The following NSUN7 variants were observed in gnomAD, a reference collection of about 807,000 sequenced individuals.
The protein encoded by NSUN7 is NOP2/Sun RNA methyltransferase family member 7.
Under a neutral mutation model 58.5 loss-of-function variants are expected in NSUN7, and 39 were observed. The ratio of observed to expected loss-of-function variants is 0.67; its 90% CI spans 0.52 to 0.87. The LOEUF is 0.87. Among genes scored for constraint, NSUN7 ranks in the 40% least tolerant of loss-of-function variants. The pLI, the probability that NSUN7 is intolerant of heterozygous loss-of-function variation, is 0.00. For synonymous variants in NSUN7, 278 were observed against 303.7 expected (o/e 0.92, Z 0.88); for missense variants, 765 against 844.1 (o/e 0.91, Z 1.16).
In NSUN7 at chr4:40,808,216, CTT is replaced by C. The variant is rs983769957; in HGVS notation, c.1525-87_1525-86del. ...TTTCTTTTAGTATAATAAAGAGAGT[CTT>C]TTTATTTTTACTGATACATTGATAA... On this transcript the variant is annotated intron_variant, in intron 11 of 11. Coordinates refer to ENST00000381782, the MANE Select transcript of NSUN7 (RefSeq NM_024677.6). 7.8e-6 allele frequency: 11 copies of C among 1,401,536 alleles called. No individual in the cohort carries two copies. In the African/African-American group the frequency reaches 1.6e-4, roughly 20 times the overall value. 86.8% of individuals were successfully genotyped at this position (1,401,536 alleles called of 1,614,324 possible).
rs754283124 is a variant in NSUN7 at position 40,808,184 on chromosome 4, TTTC to T, written c.1525-120_1525-118del. The T allele has an allele frequency of 5.1e-5, 58 of 1,141,640 alleles. 2 individuals are homozygous for T. The South Asian group carries it at 8.8e-4, about 17-fold the overall frequency. 70.7% of individuals were successfully genotyped at this position (1,141,640 alleles called of 1,614,324 possible). The stretch of plus-strand genomic sequence containing the variant: ...ATTGGGGACTAAGGCCTAAAAACTA[TTTC>T]TTATTTCTTTTAGTATAATAAAGAG... On this transcript the variant is annotated intron_variant, in intron 11 of 11. Transcript: ENST00000381782.
At chr4:40,799,074 T>TTTTTG (rs764083941) in intron 10 of NSUN7, among the ~76,000 whole-genome samples, 170 bp downstream of exon 10, 27,363 of 59,604 alleles carry the variant, frequency 0.46, 6,623 homozygotes, top group Non-Finnish European at 0.51. Context: ...GGCCTTTTTC[T>TTTTTG]TTTTTTTTTT....
intron 4 of NSUN7, among the ~76,000 whole-genome samples, chr4:40,770,071 G>A (rs1272639608): frequency 6.6e-6 from 1 of 152,070 alleles, no homozygotes; most frequent in Non-Finnish European, 1.5e-5. Flanking sequence ...TTAGTCAGGC[G>A]TGGTGGTGCA....
intron 2 of NSUN7, among the ~76,000 whole-genome samples, chr4:40,757,243 CAAAT>C (rs1306866189): frequency 6.6e-6 from 1 of 151,734 alleles, no homozygotes; most frequent in African/African-American, 2.4e-5. Flanking sequence ...AATAAATAAA[CAAAT>C]AAATAAACAA....
intron 7 of NSUN7, 53 bp from the exon 8 acceptor site, chr4:40,790,549 A>G: frequency 1.7e-6 from 2 of 1,174,556 alleles, no homozygotes; most frequent in Non-Finnish European, 2.4e-6. Flanking sequence ...CACATACTAC[A>G]TTAAGATTTT....
rs115641577 is a variant in NSUN7, at chr4:40,794,381, A to T, written c.1187A>T (p.Glu396Val). 9 of 1,597,116 alleles carry T rather than the reference A, an allele frequency of 5.6e-6. No individual in the cohort carries two copies. The East Asian group carries it at 2.0e-4, about 36-fold the overall frequency. ...ATTTCTTTTTAAAATTCAGATACAG[A>T]ATTCCTTAAAGATCACTCTCAAGGA... ...EFILNEHEDT[E>V]FLKDHSQGGI... Residue 396 changes from glutamate (E) to valine (V), a missense_variant, in exon 9 of 12, where the codon GAA becomes GTA. Coordinates refer to ENST00000381782, the MANE Select transcript of NSUN7 (RefSeq NM_024677.6).
At chr4:40,769,022 C>CTAGA (rs1180090895) in intron 4 of NSUN7, among the ~76,000 whole-genome samples, 1 of 152,178 alleles carries the variant, frequency 6.6e-6, no homozygotes, top group Non-Finnish European at 1.5e-5. Context: ...CACCATCTAC[C>CTAGA]TAGACATCAT....
intron 1 of NSUN7, 105 bp downstream of exon 1, chr4:40,750,405 C>T (rs1422608566): frequency 7.9e-6 from 3 of 380,734 alleles, no homozygotes; most frequent in Middle Eastern, 7.9e-4. Flanking sequence ...CGTCGGTCTC[C>T]TTGGGGCTCT....
At chr4:40,758,255 C>G (rs1486267394) in intron 2 of NSUN7, among the ~76,000 whole-genome samples, 1 of 152,048 alleles carries the variant, frequency 6.6e-6, no homozygotes, top group Non-Finnish European at 1.5e-5. Flanking sequence ...AGCATCTCCA[C>G]TGCTCAAAGA....
At chr4:40,801,610 T>C (rs1436843231) in intron 10 of NSUN7, among the ~76,000 whole-genome samples, 1 of 151,946 alleles carries the variant, frequency 6.6e-6, no homozygotes, top group Non-Finnish European at 1.5e-5. Flanking sequence ...AAAAATTTGC[T>C]TTATAGGTTG....
intron 7 of NSUN7, among the ~76,000 whole-genome samples, chr4:40,776,664 G>A (rs756797843): frequency 1.3e-5 from 2 of 151,758 alleles, no homozygotes; most frequent in Non-Finnish European, 2.9e-5. Flanking sequence ...TGCCCAGGCT[G>A]GAGTGTACTG....
chr4:40,806,222 T>A (rs1175583451), intron 10 of NSUN7, among the ~76,000 whole-genome samples: 1 of 152,136 alleles, frequency 6.6e-6, no homozygotes, highest in African/African-American at 2.4e-5. Context: ...CTCGAACTCC[T>A]GGCCTCAAGT....
chr4:40,805,688 G>A (rs973863133), intron 10 of NSUN7, among the ~76,000 whole-genome samples: 1 of 152,098 alleles, frequency 6.6e-6, no homozygotes, highest in Admixed American at 6.6e-5. Context: ...CCGGAGGCTG[G>A]GAGTCCTAAA....
At chr4:40,776,717 G>A (rs1458783160) in intron 7 of NSUN7, among the ~76,000 whole-genome samples, 4 of 151,928 alleles carry the variant, frequency 2.6e-5, no homozygotes, top group Admixed American at 2.6e-4. Flanking sequence ...CTGGGCTCAA[G>A]AGGTCCTCCA....
rs528235400 is a variant in NSUN7 at position 40,801,576 on chromosome 4, T to C, written c.1400+2672T>C. Among the ~76,000 whole-genome samples, 21 of 152,322 alleles carry C rather than the reference T, an allele frequency of 1.4e-4. No individual in the cohort carries two copies. The South Asian group carries it at 4.3e-3, about 32-fold the overall frequency. On this transcript the variant is annotated intron_variant, in intron 10 of 11. Transcript: ENST00000381782. Reference sequence around the variant, plus strand: ...ATATTTTTCAGATTGTTTATCTTTTTATTTTTAAATAAATACTTGAATTAA... The same window carrying C: ...ATATTTTTCAGATTGTTTATCTTTTCATTTTTAAATAAATACTTGAATTAA...
At chr4:40,788,664 T>A (rs62302838) in intron 7 of NSUN7, among the ~76,000 whole-genome samples, 20,244 of 152,204 alleles carry the variant, frequency 0.13, 1,438 homozygotes, top group South Asian at 0.17. Context: ...CTTCCAATGC[T>A]TGTTTATCCC....
In NSUN7 at chr4:40,809,005, G is replaced by A. The variant is rs1299940410; in HGVS notation, c.*66G>A. 1.6e-5 allele frequency: 22 copies of A among 1,407,778 alleles called. No homozygotes were observed. Among genetic ancestry groups the A allele is most frequent in the Non-Finnish European group, 2.1e-5 (22 of 1,069,090 alleles). The allele number at this position is 1,407,778 out of a possible 1,614,324, so 87.2% of individuals were successfully genotyped here. On this transcript the variant is annotated 3_prime_UTR_variant, in exon 12 of 12. Transcript: ENST00000381782. Reference sequence around the variant, plus strand: ...TTTTTTCAAAGTCTAGTATTTCTCTGAAGATTCTACATCTCTACACAAGAT... The same window carrying A: ...TTTTTTCAAAGTCTAGTATTTCTCTAAAGATTCTACATCTCTACACAAGAT...
intron 10 of NSUN7, among the ~76,000 whole-genome samples, chr4:40,803,675 A>G (rs954641163): frequency 1.3e-5 from 2 of 152,214 alleles, no homozygotes; most frequent in African/African-American, 4.8e-5. Context: ...AAAGTGTACA[A>G]TTCAGTGCCT....
chr4:40,775,196 G>A lies in NSUN7; in HGVS notation c.825+246G>A. 4.7e-6 allele frequency: 1 copy of A among 212,774 alleles called. No homozygotes were observed. The highest frequency in any genetic ancestry group is 9.2e-6 in the Non-Finnish European group (1 of 108,728). 13.2% of individuals were successfully genotyped at this position (212,774 alleles called of 1,614,324 possible). ...CCAGATTCCATGAATGGGAAGATTT[G>A]CATTGCTGGCAGCTGTAAGGTTCTA... On this transcript the variant is annotated intron_variant, in intron 6 of 11. Coordinates refer to ENST00000381782, the MANE Select transcript of NSUN7 (RefSeq NM_024677.6). This position sits in a 1 kb window ranked among gnomAD's most constrained non-coding sequence, Gnocchi z 4.3.
Sources: gnomAD v4.1 joint callset for allele counts (sites outside exome capture counted in the v4.1 genomes callset) on GRCh38, gnomAD v4.1.1 for gene constraint, Gnocchi (gnomAD v3.1) non-coding constraint, MANE v1.5 for transcripts, NCBI Gene and HGNC (gene_info 2026-07-23, HGNC 2026-07-21) for gene names.